POLA1: variants seen among roughly 807,000 people sequenced by gnomAD.
The protein encoded by POLA1 is DNA polymerase alpha catalytic subunit.
Under a neutral mutation model 124.0 loss-of-function variants are expected in POLA1, and 15 were observed. The observed-to-expected ratio is 0.12, with a 90% CI of 0.08 to 0.19. The LOEUF (loss-of-function observed/expected upper bound fraction) is 0.19, where lower values mean the gene tolerates loss of function less well. Ranked by LOEUF, POLA1 falls within the 10% of genes least tolerant of loss-of-function variation. The probability of loss-of-function intolerance (pLI) is 1.00; values close to 1 mark genes in which losing one functional copy is unlikely to be tolerated. For synonymous variants in POLA1, 408 were observed against 389.4 expected (o/e 1.05, Z -0.56); for missense variants, 886 against 1,103.4 (o/e 0.80, Z 2.79).
intron 21 of POLA1, 68 bp from the exon 22 acceptor site, chrX:24,741,934 T>G: frequency 1.0e-6 from 1 of 968,393 alleles, no homozygotes; most frequent in Non-Finnish European, 1.4e-6. Flanking sequence ...CTAAACTTAC[T>G]GACTCAAAGT....
chrX:24,985,983 C>T (rs772503691), intron 36 of POLA1, among the ~76,000 whole-genome samples: 1 of 111,151 alleles, frequency 9.0e-6, no homozygotes, highest in Non-Finnish European at 1.9e-5. Context: ...ACCAGCCTGA[C>T]CAACATGGAG....
At chrX:24,765,292 G>GTTTTTTTTTTTT (rs1299765675) in intron 26 of POLA1, among the ~76,000 whole-genome samples, 2 of 92,012 alleles carry the variant, frequency 2.2e-5, no homozygotes, top group Admixed American at 1.2e-4. Context: ...TGTTTTTTTT[G>GTTTTTTTTTTTT]TTTTTTTTTT....
chrX:24,889,912 A>T (rs1311345505), intron 35 of POLA1, among the ~76,000 whole-genome samples: 1 of 111,564 alleles, frequency 9.0e-6, no homozygotes, highest in Non-Finnish European at 1.9e-5. Context: ...TCATTTCACA[A>T]AATTTGGCAA....
intron 26 of POLA1, among the ~76,000 whole-genome samples, chrX:24,753,225 A>C (rs1250251875): frequency 9.1e-6 from 1 of 110,224 alleles, no homozygotes; most frequent in Admixed American, 9.7e-5. Context: ...TCACTGTGTT[A>C]GCCAGGATGG....
chrX:24,906,954 G>A (rs910268053), intron 35 of POLA1, among the ~76,000 whole-genome samples: 3 of 111,281 alleles, frequency 2.7e-5, no homozygotes, highest in African/African-American at 9.8e-5. Flanking sequence ...TTGGGAGGCC[G>A]AGCCGGACAG....
At chrX:24,903,097 G>C (rs929238611) in intron 35 of POLA1, among the ~76,000 whole-genome samples, 1 of 112,594 alleles carries the variant, frequency 8.9e-6, no homozygotes, top group East Asian at 2.8e-4. Context: ...ATTTGCGTAT[G>C]TGTGTTTTAT....
At chrX:24,881,649 G>T (rs1241657233) in intron 34 of POLA1, among the ~76,000 whole-genome samples, 1 of 111,701 alleles carries the variant, frequency 9.0e-6, no homozygotes, top group Non-Finnish European at 1.9e-5. Context: ...GACCATCCAT[G>T]TAGGTAGGCA....
chrX:24,877,121 C>T (rs903650334), intron 34 of POLA1, among the ~76,000 whole-genome samples: 17 of 111,941 alleles, frequency 1.5e-4, no homozygotes, highest in Non-Finnish European at 5.6e-5. Context: ...GGAATTATTT[C>T]CTACCATTCA....
At chrX:24,712,961 T>C (rs180942135) in intron 4 of POLA1, among the ~76,000 whole-genome samples, 6 of 111,592 alleles carry the variant, frequency 5.4e-5, no homozygotes, top group Non-Finnish European at 1.1e-4. Flanking sequence ...TTATTTTTTT[T>C]ATTTTTTTAT....
At chrX:24,702,656 A>G (rs772593922) in intron 2 of POLA1, among the ~76,000 whole-genome samples, 26 of 112,509 alleles carry the variant, frequency 2.3e-4, no homozygotes, top group Non-Finnish European at 4.3e-4. Flanking sequence ...AGACCTGAGG[A>G]TGGTGGAGTT....
chrX:24,802,845 A>G (rs2045738641), intron 26 of POLA1, among the ~76,000 whole-genome samples: 1 of 111,117 alleles, frequency 9.0e-6, no homozygotes, highest in Admixed American at 9.5e-5. Context: ...TAAAAATACA[A>G]AAATTAGCTG....
At chrX:24,934,026 A>G (rs939380490) in intron 36 of POLA1, among the ~76,000 whole-genome samples, 3 of 111,921 alleles carry the variant, frequency 2.7e-5, no homozygotes, top group African/African-American at 9.8e-5. Flanking sequence ...AATGGATTCA[A>G]AGGCGGTTTT....
intron 36 of POLA1, among the ~76,000 whole-genome samples, chrX:24,939,600 G>A (rs894688024): frequency 9.0e-6 from 1 of 111,504 alleles, no homozygotes; most frequent in African/African-American, 3.3e-5. Flanking sequence ...GGCTATTCCA[G>A]TGGTCTAGTG....
chrX:24,814,532 A>C (rs749837374), intron 29 of POLA1, among the ~76,000 whole-genome samples: 95 of 111,955 alleles, frequency 8.5e-4, no homozygotes, highest in African/African-American at 3.0e-3. Context: ...CATCTAGCGC[A>C]TGGTTGTTGT....
chrX:24,705,459 C>T (rs1928736368), intron 4 of POLA1, among the ~76,000 whole-genome samples: 1 of 111,570 alleles, frequency 9.0e-6, no homozygotes, highest in East Asian at 2.8e-4. Context: ...CTTCCAACCA[C>T]ATACACAGAG....
At chrX:24,862,493 C>G (rs1439425069) in intron 34 of POLA1, among the ~76,000 whole-genome samples, 1 of 111,824 alleles carries the variant, frequency 8.9e-6, no homozygotes, top group Non-Finnish European at 1.9e-5. Flanking sequence ...TTGATCAGAA[C>G]ATTGCTTTTT....
At chrX:24,937,995 A>AG (rs2047872367) in intron 36 of POLA1, among the ~76,000 whole-genome samples, 1 of 112,530 alleles carries the variant, frequency 8.9e-6, no homozygotes, top group East Asian at 2.8e-4. Context: ...GGGCTAAGAG[A>AG]GGGGAAAAAA....
At chrX:24,874,484 A>G (rs2046906329) in intron 34 of POLA1, among the ~76,000 whole-genome samples, 1 of 112,201 alleles carries the variant, frequency 8.9e-6, no homozygotes, top group Admixed American at 9.5e-5. Flanking sequence ...AATAATATCT[A>G]AAGAAAGAGT....
intron 36 of POLA1, among the ~76,000 whole-genome samples, chrX:24,949,699 G>C (rs145585431): frequency 9.5e-6 from 1 of 105,183 alleles, no homozygotes; most frequent in East Asian, 2.9e-4. Context: ...TTATGGCACT[G>C]TATATTTTTC....
Sources: allele counts gnomAD v4.1 joint callset (sites outside exome capture counted in the v4.1 genomes callset), GRCh38; gene constraint gnomAD v4.1.1; transcripts MANE v1.5; gene names NCBI Gene and HGNC (gene_info 2026-07-23, HGNC 2026-07-21).